PRAG1: variants seen among roughly 807,000 people sequenced by gnomAD.
The protein encoded by PRAG1 is PEAK1 related, kinase-activating pseudokinase 1, also known as inactive tyrosine-protein kinase PRAG1.
Under a neutral mutation model 95.6 loss-of-function variants are expected in PRAG1, and 110 were observed. The observed-to-expected ratio is 1.15, with a 90% CI of 0.99 to 1.35. PRAG1 has a LOEUF of 1.35. PRAG1 is among the 40% of genes most tolerant of loss of function. The probability of loss-of-function intolerance (pLI) is 0.00; values close to 1 mark genes in which losing one functional copy is unlikely to be tolerated. For synonymous variants in PRAG1, 1,052 were observed against 819.4 expected, an observed-to-expected ratio of 1.28 and a Z score of -4.85; for missense variants, 2,554 against 1,864.7, an observed-to-expected ratio of 1.37 and a Z score of -6.81.
rs1798328784 is a variant in PRAG1, at chr8:8,317,970, C to T, written c.*184G>A. 2 of 419,524 alleles carry T rather than the reference C, an allele frequency of 4.8e-6. No homozygotes were observed. The highest frequency in any genetic ancestry group is 3.9e-6 in the Non-Finnish European group (1 of 256,886). The allele number at this position is 419,524 out of a possible 1,614,324, so 26.0% of individuals were successfully genotyped here. A position where few individuals can be genotyped will look rare whatever the true frequency, so the allele number is the denominator to read the frequency against. On this transcript the variant is annotated 3_prime_UTR_variant, in exon 6 of 6. Transcript: ENST00000615670. ...AGAGGAGACGAGTGTGGACGGGCAACAGCATCCTTAGTCTTTCATATTTAT... is the reference window on the plus strand; with the variant it reads ...AGAGGAGACGAGTGTGGACGGGCAATAGCATCCTTAGTCTTTCATATTTAT...
chr8:8,363,858 G>C (rs139415439), intron 3 of PRAG1, among the ~76,000 whole-genome samples: 208 of 152,158 alleles, frequency 1.4e-3, no homozygotes, highest in African/African-American at 4.8e-3. Flanking sequence ...TTGTGCTATA[G>C]ATTTCATTCT....
chr8:8,385,421 C>G (rs1470710771), intron 1 of PRAG1, among the ~76,000 whole-genome samples: 2 of 152,288 alleles, frequency 1.3e-5, no homozygotes, highest in Middle Eastern at 3.4e-3. Context: ...CCACTACAGT[C>G]GAAACCAACC....
At chr8:8,323,228 A>G (rs965939717) in intron 5 of PRAG1, among the ~76,000 whole-genome samples, 12 of 151,646 alleles carry the variant, frequency 7.9e-5, no homozygotes, top group African/African-American at 2.9e-4. Context: ...CATAATCCCC[A>G]CGTGTGGTGG....
chr8:8,368,309 G>A (rs547791426), intron 3 of PRAG1, among the ~76,000 whole-genome samples: 9 of 152,300 alleles, frequency 5.9e-5, no homozygotes, highest in East Asian at 3.9e-4. Context: ...CAGAGAAGCC[G>A]TCCAGTGCAT....
At chr8:8,381,017 T>C (rs994184374) in intron 2 of PRAG1, among the ~76,000 whole-genome samples, 1 of 152,090 alleles carries the variant, frequency 6.6e-6, no homozygotes, top group African/African-American at 2.4e-5. Context: ...TGAAATAAGA[T>C]TGGTCAGGAG....
chr8:8,352,210 C>G (rs1338711181), intron 3 of PRAG1, among the ~76,000 whole-genome samples: 1 of 152,174 alleles, frequency 6.6e-6, no homozygotes, highest in African/African-American at 2.4e-5. Flanking sequence ...GCTGGGGCAG[C>G]CTTTTGCCCA....
intron 3 of PRAG1, among the ~76,000 whole-genome samples, chr8:8,359,243 G>C (rs1257578455): frequency 1.3e-5 from 2 of 152,090 alleles, no homozygotes; most frequent in East Asian, 3.8e-4. Context: ...TAATTGCTCT[G>C]ATTGAATTTC....
In PRAG1 at chr8:8,318,757, C is replaced by T. The variant is rs1218242260; in HGVS notation, c.3618G>A (p.Glu1206=). Residue 1206 remains glutamate, a synonymous_variant, in exon 6 of 6, where the codon GAG becomes GAA. Transcript: ENST00000615670. The surrounding 1 kb of genome is among the most constrained non-coding windows in gnomAD (Gnocchi z 4.2). ...TGATGATGAGCCGGGGCAGCTGCTT[C>T]TCCCGGGGCCCTTCCGGGGAGGCGG... ...AGPASPEGPR[E]KQLPRLIISN... is the part of the protein sequence containing the mutation. The T allele has an allele frequency of 1.3e-6, 2 of 1,587,036 alleles. No individual in the cohort carries two copies. Among genetic ancestry groups the T allele is most frequent in the Non-Finnish European group, 1.7e-6 (2 of 1,165,940 alleles).
chr8:8,324,487 C>G (rs937867854), intron 5 of PRAG1, among the ~76,000 whole-genome samples: 4 of 151,860 alleles, frequency 2.6e-5, no homozygotes, highest in South Asian at 2.1e-4. Context: ...GCTGTAGGCC[C>G]GCGCCGGAGA....
intron 3 of PRAG1, among the ~76,000 whole-genome samples, chr8:8,360,774 T>C (rs1192610471): frequency 6.6e-6 from 1 of 152,246 alleles, no homozygotes; most frequent in Non-Finnish European, 1.5e-5. Context: ...GTATGTTAAA[T>C]GCCTTGGAAA....
intron 3 of PRAG1, among the ~76,000 whole-genome samples, chr8:8,374,068 A>C (rs964642229): frequency 6.6e-6 from 1 of 152,218 alleles, no homozygotes; most frequent in Non-Finnish European, 1.5e-5. Flanking sequence ...GTCATTGCAC[A>C]ATCAGCAGCC....
chr8:8,318,764 G>T lies in PRAG1; in HGVS notation c.3611C>A (p.Pro1204His), dbSNP rs1476999652. ...GAGCCGGGGCAGCTGCTTCTCCCGG[G>T]GCCCTTCCGGGGAGGCGGGGCCGGC... ...PAAGPASPEG[P>H]REKQLPRLII... Residue 1204 changes from proline (P) to histidine (H), a missense_variant, in exon 6 of 6, where the codon CCC becomes CAC. By Grantham distance (77) the Pro-to-His change is moderately conservative. Coordinates refer to ENST00000615670, the MANE Select transcript of PRAG1 (RefSeq NM_001080826.3). The surrounding 1 kb of genome is among the most constrained non-coding windows in gnomAD (Gnocchi z 4.2). 6 of 1,577,490 alleles carry T rather than the reference G, an allele frequency of 3.8e-6. No homozygotes were observed. In the South Asian group the frequency reaches 5.7e-5, roughly 15 times the overall value.
chr8:8,347,731 C>A (rs1002736768), intron 3 of PRAG1, among the ~76,000 whole-genome samples: 2 of 152,184 alleles, frequency 1.3e-5, no homozygotes, highest in Non-Finnish European at 2.9e-5. Flanking sequence ...GTTAACAGAG[C>A]TGACAAGATC....
chr8:8,351,390 A>T (rs1449867015), intron 3 of PRAG1, among the ~76,000 whole-genome samples: 1 of 152,146 alleles, frequency 6.6e-6, no homozygotes, highest in African/African-American at 2.4e-5. Flanking sequence ...TCAACATGAG[A>T]TTTAGGTGGG....
chr8:8,326,294 T>A (rs1798635194), intron 5 of PRAG1, among the ~76,000 whole-genome samples: 1 of 150,588 alleles, frequency 6.6e-6, no homozygotes, highest in East Asian at 1.9e-4. Context: ...ATATTATTTT[T>A]AAAATGTTAG....
At position 8,319,164 on chromosome 8, in the gene PRAG1, C is replaced by T; in HGVS notation, c.3211G>A (p.Asp1071Asn). ...SMLSSPDAPKDPVPALPTHPP... is the reference protein window; with the variant it reads ...SMLSSPDAPKNPVPALPTHPP... Reference sequence around the variant, plus strand: ...TGTGTGGGCAGGGCAGGCACAGGGTCCTTGGGCGCGTCGGGGGAGCTGAGC... The same window carrying T: ...TGTGTGGGCAGGGCAGGCACAGGGTTCTTGGGCGCGTCGGGGGAGCTGAGC... Residue 1071 changes from aspartate (D) to asparagine (N), a missense_variant, in exon 6 of 6, where the codon GAC becomes AAC. Asp to Asn is a conservative substitution (Grantham distance 23). Coordinates refer to ENST00000615670, the MANE Select transcript of PRAG1 (RefSeq NM_001080826.3). 1.2e-6 allele frequency: 2 copies of T among 1,604,298 alleles called. No homozygotes were observed. Among genetic ancestry groups the T allele is most frequent in the South Asian group, 1.1e-5 (1 of 90,302 alleles).
intron 3 of PRAG1, among the ~76,000 whole-genome samples, chr8:8,341,046 T>C (rs1025275960): frequency 1.3e-5 from 2 of 152,218 alleles, no homozygotes; most frequent in Non-Finnish European, 2.9e-5. Flanking sequence ...AATAGTTTTC[T>C]CCAAGGGAAG....
chr8:8,341,944 C>A (rs934272579), intron 3 of PRAG1, among the ~76,000 whole-genome samples: 2 of 151,938 alleles, frequency 1.3e-5, no homozygotes, highest in Non-Finnish European at 2.9e-5. Flanking sequence ...ACCGGCCTGG[C>A]CAACAGGCCA....
At chr8:8,358,315 C>G (rs959897419) in intron 3 of PRAG1, among the ~76,000 whole-genome samples, 6 of 152,164 alleles carry the variant, frequency 3.9e-5, no homozygotes, top group Non-Finnish European at 8.8e-5. Context: ...CAAGGAAACC[C>G]CAGAGGTTCT....
Sources: allele counts gnomAD v4.1 joint callset (sites outside exome capture counted in the v4.1 genomes callset), GRCh38; gene constraint gnomAD v4.1.1; non-coding constraint Gnocchi (gnomAD v3.1); transcripts MANE v1.5; gene names NCBI Gene and HGNC (gene_info 2026-07-23, HGNC 2026-07-21).